POSTN: variants seen among roughly 807,000 people sequenced by gnomAD.
The protein encoded by POSTN is osteoblast specific factor 2 (fasciclin I-like).
POSTN carries 71 observed loss-of-function variants against 104.5 expected under a neutral mutation model. The ratio of observed to expected loss-of-function variants is 0.68; its 90% CI spans 0.56 to 0.83. POSTN has a LOEUF of 0.83. POSTN is among the 40% of genes least tolerant of loss of function. The pLI is 0.00. For missense variants in POSTN, 949 were observed against 1,006.8 expected, an observed-to-expected ratio of 0.94 and a Z score of 0.78; for synonymous variants, 355 against 340.7, an observed-to-expected ratio of 1.04 and a Z score of -0.46.
chr13:37,582,683 T>C (rs1950629558), intron 9 of POSTN, among the ~76,000 whole-genome samples, 169 bp from the exon 10 acceptor site: 1 of 152,152 alleles, frequency 6.6e-6, no homozygotes, highest in African/African-American at 2.4e-5. Context: ...AACAATTCAA[T>C]TCACCAAGTA....
Position 37,583,355 on chromosome 13 carries a change from TA to T in POSTN, c.1243+613del, listed in dbSNP as rs1173109679. Among the ~76,000 whole-genome samples the T allele has an allele frequency of 2.2e-4, 33 of 152,278 alleles. No homozygotes were observed. The East Asian group carries it at 2.3e-3, about 11-fold the overall frequency. ...TGGTATCAAATAAAGAAATCAGTTTTATTTTTTTAGAGATCTGTCAATGCAT... is the reference window on the plus strand; with the variant it reads ...TGGTATCAAATAAAGAAATCAGTTTTTTTTTTTAGAGATCTGTCAATGCAT... On this transcript the variant is annotated intron_variant, in intron 9 of 22. Transcript: ENST00000379747.
chr13:37,565,406 T>C (rs1049721124), intron 21 of POSTN: 37 of 152,112 alleles, frequency 2.4e-4, no homozygotes, highest in African/African-American at 8.7e-4. Context: ...TCTTTTTAAA[T>C]TTTTTCTCCA....
intron 1 of POSTN, 94 bp downstream of exon 1, chr13:37,598,514 C>A: frequency 3.5e-6 from 4 of 1,126,934 alleles, no homozygotes; most frequent in Non-Finnish European, 5.0e-6. Flanking sequence ...GAAAAAAAAC[C>A]CTGAGGCATA....
At chr13:37,573,395 T>C (rs1182760708) in intron 17 of POSTN, among the ~76,000 whole-genome samples, 1 of 150,722 alleles carries the variant, frequency 6.6e-6, no homozygotes, top group Non-Finnish European at 1.5e-5. Flanking sequence ...ATTATAATTA[T>C]AGTATTTTTT....
chr13:37,574,475 T>C, intron 17 of POSTN, 97 bp downstream of exon 17: 1 of 1,416,308 alleles, frequency 7.1e-7, no homozygotes, highest in East Asian at 2.8e-5. Flanking sequence ...ACATTTAACA[T>C]GTTAGTTTTT....
chr13:37,572,246 A>C (rs1188369576), intron 17 of POSTN, among the ~76,000 whole-genome samples: 2 of 151,684 alleles, frequency 1.3e-5, no homozygotes, highest in Non-Finnish European at 3.0e-5. Context: ...AGCCTTCAAT[A>C]GTGGAATGCA....
intron 12 of POSTN, 122 bp downstream of exon 12, chr13:37,579,738 TA>T: frequency 2.6e-6 from 3 of 1,133,566 alleles, no homozygotes; most frequent in Admixed American, 5.6e-5. Context: ...AAAAGGAAAC[TA>T]AAGCTAACCA....
chr13:37,578,823 AAATC>A lies in POSTN; in HGVS notation c.1962+17_1962+20del. The A allele has an allele frequency of 6.6e-7, 1 of 1,518,514 alleles. No individual in the cohort carries two copies. The highest frequency in any genetic ancestry group is 8.8e-7 in the Non-Finnish European group (1 of 1,131,700). 94.1% of individuals were successfully genotyped at this position (1,518,514 alleles called of 1,614,324 possible). ...CAAAAAAAAAAAAAAAAAAAGAAAT[AAATC>A]AAGTAACTTTTAGTACCTTAATTTG... On this transcript the variant is annotated intron_variant, in intron 15 of 22. Transcript: ENST00000379747.
At chr13:37,564,264 G>T (rs929614035) in intron 22 of POSTN, among the ~76,000 whole-genome samples, 2 of 136,292 alleles carry the variant, frequency 1.5e-5, no homozygotes, top group Admixed American at 7.9e-5. Flanking sequence ...TATCTCAAGG[G>T]TTCAATATGC....
Position 37,586,749 on chromosome 13 carries a change from C to T in POSTN, c.753+33G>A, listed in dbSNP as rs199505811. On this transcript the variant is annotated intron_variant, in intron 6 of 22. Coordinates refer to ENST00000379747, the MANE Select transcript of POSTN (RefSeq NM_006475.3). Reference sequence around the variant, plus strand: ...TTTGACAGGAGAAGAAGAGGGATTTCAATGACTCAAGACAATCTGCTCTTG... The same window carrying T: ...TTTGACAGGAGAAGAAGAGGGATTTTAATGACTCAAGACAATCTGCTCTTG... 9.5e-5 allele frequency: 149 copies of T among 1,562,132 alleles called. 1 individual carries two copies. In the East Asian group the frequency reaches 3.5e-3, roughly 36 times the overall value.
At chr13:37,570,974 T>G in intron 18 of POSTN, 1 of 310,318 alleles carries the variant, frequency 3.2e-6, no homozygotes. Context: ...ATCATTGGAA[T>G]GGGAGCCCTA....
Position 37,564,507 on chromosome 13 carries a change from CA to C in POSTN, c.2473+11del, listed in dbSNP as rs781635587. The C allele has an allele frequency of 6.5e-7, 1 of 1,537,868 alleles. No homozygotes were observed. Among genetic ancestry groups the C allele is most frequent in the South Asian group, 1.1e-5 (1 of 88,424 alleles). On this transcript the variant is annotated intron_variant, in intron 22 of 22. Coordinates refer to ENST00000379747, the MANE Select transcript of POSTN (RefSeq NM_006475.3). Reference sequence around the variant, plus strand: ...GGCCATATACACACATTACTATAGCCAATACACTTACCTTGAACTTTTTTGT... The same window carrying C: ...GGCCATATACACACATTACTATAGCCATACACTTACCTTGAACTTTTTTGT...
At chr13:37,588,706 A>G (rs964693140) in intron 4 of POSTN, among the ~76,000 whole-genome samples, 3 of 152,170 alleles carry the variant, frequency 2.0e-5, no homozygotes, top group Non-Finnish European at 4.4e-5. Flanking sequence ...ATGCCAAGAG[A>G]GCAAAAGTTG....
intron 2 of POSTN, among the ~76,000 whole-genome samples, chr13:37,595,020 A>G (rs1427174430): frequency 1.1e-4 from 16 of 150,666 alleles, no homozygotes; most frequent in Non-Finnish European, 2.4e-4. Flanking sequence ...TGGTTAAAAA[A>G]AAAAAAAGCC....
At chr13:37,563,713 A>C (rs1949996164) in intron 22 of POSTN, among the ~76,000 whole-genome samples, 1 of 152,034 alleles carries the variant, frequency 6.6e-6, no homozygotes, top group Non-Finnish European at 1.5e-5. Context: ...TAAAGTAAGA[A>C]GTTCCTATAG....
chr13:37,592,502 G>T (rs1950967851), intron 2 of POSTN, among the ~76,000 whole-genome samples: 1 of 152,100 alleles, frequency 6.6e-6, no homozygotes, highest in African/African-American at 2.4e-5. Flanking sequence ...GTTTCGCCGT[G>T]CTAGCCAGGA....
intron 3 of POSTN, among the ~76,000 whole-genome samples, chr13:37,591,453 A>G (rs1200770167): frequency 6.6e-6 from 1 of 152,188 alleles, no homozygotes; most frequent in Non-Finnish European, 1.5e-5. Flanking sequence ...TGGACTTTAA[A>G]TATCAGTCTA....
intron 22 of POSTN, among the ~76,000 whole-genome samples, chr13:37,564,306 C>T (rs2138126023): frequency 6.9e-6 from 1 of 144,352 alleles, no homozygotes; most frequent in Non-Finnish European, 1.5e-5. Flanking sequence ...TTGACCTTTC[C>T]CTTAATATTT....
At chr13:37,568,042 T>A (rs998853573) in intron 21 of POSTN, among the ~76,000 whole-genome samples, 2 of 151,974 alleles carry the variant, frequency 1.3e-5, no homozygotes, top group Non-Finnish European at 2.9e-5. Flanking sequence ...ATCTTCATAA[T>A]GTGTTTGTCT....
Sources: gnomAD v4.1 joint callset for allele counts (sites outside exome capture counted in the v4.1 genomes callset) on GRCh38, gnomAD v4.1.1 for gene constraint, MANE v1.5 for transcripts, NCBI Gene and HGNC (gene_info 2026-07-23, HGNC 2026-07-21) for gene names.